Variants in PRELID2 observed in about 807,000 individuals in gnomAD.
PRELID2 encodes the protein PRELI domain-containing protein 2.
In PRELID2, 25 loss-of-function variants were observed where a neutral mutation model predicts 28.4. The observed-to-expected ratio is 0.88, with a 90% CI of 0.64 to 1.23. The LOEUF (loss-of-function observed/expected upper bound fraction) is 1.23. Ranked by LOEUF, PRELID2 falls within the 50% of genes most tolerant of loss-of-function variation. The probability of loss-of-function intolerance (pLI) is 0.00; values close to 1 mark genes in which losing one functional copy is unlikely to be tolerated. For synonymous variants in PRELID2, 76 were observed against 71.6 expected (o/e 1.06, Z -0.31); for missense variants, 201 against 214.4 (o/e 0.94, Z 0.39).
the PRELID2 span, among the ~76,000 whole-genome samples, chr5:145,383,135 A>G: frequency 6.7e-6 from 1 of 150,294 alleles, no homozygotes; most frequent in East Asian, 1.9e-4. Context: ...ACTGATTCTA[A>G]AACATGTGGG....
At chr5:145,423,095 C>A in the PRELID2 span, among the ~76,000 whole-genome samples, 715 of 151,528 alleles carry the variant, frequency 4.7e-3, 3 homozygotes, top group Middle Eastern at 0.01. Flanking sequence ...GGGTTTCTGC[C>A]GAGAGATCCG....
chr5:145,396,603 G>A, the PRELID2 span, among the ~76,000 whole-genome samples: 2 of 151,728 alleles, frequency 1.3e-5, no homozygotes, highest in Non-Finnish European at 2.9e-5. Context: ...CCTTGAACTA[G>A]ACTAAATATG....
the PRELID2 span, among the ~76,000 whole-genome samples, chr5:145,444,768 C>T: frequency 3.3e-5 from 5 of 151,912 alleles, no homozygotes; most frequent in South Asian, 2.1e-4. Context: ...AGTGCCCGTT[C>T]GTCCACTTAT....
the PRELID2 span, among the ~76,000 whole-genome samples, chr5:145,405,638 A>T: frequency 6.7e-6 from 1 of 149,630 alleles, no homozygotes; most frequent in African/African-American, 2.5e-5. Flanking sequence ...GTGAAGAGGG[A>T]GCAGGCATGT....
At chr5:145,363,792 A>G in the PRELID2 span, among the ~76,000 whole-genome samples, 1 of 152,160 alleles carries the variant, frequency 6.6e-6, no homozygotes, top group Non-Finnish European at 1.5e-5. Flanking sequence ...ATGTGTTGGT[A>G]TTCTGAAAGG....
intron 1 of PRELID2, among the ~76,000 whole-genome samples, chr5:145,524,925 G>C (rs528353783): frequency 1.3e-5 from 2 of 152,060 alleles, no homozygotes; most frequent in Admixed American, 1.3e-4. Flanking sequence ...CCCCTACCAC[G>C]GCCTCTGTTA....
the PRELID2 span, among the ~76,000 whole-genome samples, chr5:145,275,649 G>A: frequency 6.6e-6 from 1 of 152,138 alleles, no homozygotes; most frequent in African/African-American, 2.4e-5. Flanking sequence ...TATGATTGCT[G>A]GGGAGAAGTG....
chr5:145,531,025 C>A (rs560008123), intron 1 of PRELID2, among the ~76,000 whole-genome samples: 20 of 152,104 alleles, frequency 1.3e-4, no homozygotes, highest in Non-Finnish European at 1.2e-4. Flanking sequence ...GAAGTAAATT[C>A]TTTGAAAGAA....
the PRELID2 span, among the ~76,000 whole-genome samples, chr5:145,385,220 A>G: frequency 6.6e-6 from 1 of 152,236 alleles, no homozygotes; most frequent in Non-Finnish European, 1.5e-5. Flanking sequence ...TATAAAAATT[A>G]GAATTGAAAA....
At chr5:145,331,395 G>A in the PRELID2 span, among the ~76,000 whole-genome samples, 1 of 152,116 alleles carries the variant, frequency 6.6e-6, no homozygotes, top group African/African-American at 2.4e-5. Flanking sequence ...CTACTATTGT[G>A]TGGGAGTCTA....
intron 1 of PRELID2, among the ~76,000 whole-genome samples, chr5:145,604,326 A>G (rs989161315): frequency 5.3e-5 from 8 of 152,062 alleles, no homozygotes; most frequent in African/African-American, 1.9e-4. Flanking sequence ...GCTTCCATTC[A>G]TAAGTGAGAA....
chr5:145,273,131 CG>C, the PRELID2 span, among the ~76,000 whole-genome samples: 18 of 152,148 alleles, frequency 1.2e-4, no homozygotes, highest in East Asian at 3.5e-3. Context: ...AAGCAGAGTT[CG>C]GGCACATAAT....
chr5:145,803,626 GCACT>G (rs879921447), intron 4 of PRELID2, among the ~76,000 whole-genome samples: 4 of 151,110 alleles, frequency 2.6e-5, no homozygotes, highest in Non-Finnish European at 4.4e-5. Context: ...TATGCGGAAA[GCACT>G]CAAAGTACTA....
intron 1 of PRELID2, among the ~76,000 whole-genome samples, chr5:145,643,275 G>A (rs1317783818): frequency 2.0e-5 from 3 of 152,078 alleles, no homozygotes; most frequent in African/African-American, 7.2e-5. Context: ...TCTCTTAGTA[G>A]CAATTGTAAA....
the PRELID2 span, among the ~76,000 whole-genome samples, chr5:145,237,665 C>T: frequency 3.3e-5 from 5 of 152,076 alleles, no homozygotes; most frequent in Non-Finnish European, 5.9e-5. Context: ...TTTCCTGGTT[C>T]CTTCTAAAGA....
the PRELID2 span, among the ~76,000 whole-genome samples, chr5:145,362,026 G>T: frequency 3.3e-4 from 51 of 152,250 alleles, 1 homozygote; most frequent in African/African-American, 1.2e-3. Flanking sequence ...GTACTTGGAT[G>T]ATGATATGTT....
chr5:145,349,329 A>C, the PRELID2 span, among the ~76,000 whole-genome samples: 4 of 152,142 alleles, frequency 2.6e-5, no homozygotes, highest in African/African-American at 7.2e-5. Context: ...TGCTGTTTTG[A>C]GATTTCAACA....
intron 1 of PRELID2, among the ~76,000 whole-genome samples, chr5:145,604,881 C>CTATATATATA (rs1347559677): frequency 2.3e-5 from 2 of 85,688 alleles, no homozygotes; most frequent in African/African-American, 1.2e-4. Context: ...TGCTTGTTGG[C>CTATATATATA]CATATATATA....
the PRELID2 span, among the ~76,000 whole-genome samples, chr5:145,285,905 C>T: frequency 6.6e-6 from 1 of 152,200 alleles, no homozygotes; most frequent in Non-Finnish European, 1.5e-5. Context: ...CTCCACTCTA[C>T]AGATCTTTAG....
Sources: allele counts gnomAD v4.1 joint callset (sites outside exome capture counted in the v4.1 genomes callset), GRCh38; gene constraint gnomAD v4.1.1; transcripts MANE v1.5; gene names NCBI Gene and HGNC (gene_info 2026-07-23, HGNC 2026-07-21).